SOS2: variants seen among roughly 807,000 people sequenced by gnomAD.
SOS2 encodes SOS Ras/Rho guanine nucleotide exchange factor 2.
In SOS2, 65 loss-of-function variants were observed where a neutral mutation model predicts 148.2. The observed-to-expected ratio is 0.44, with a 90% CI of 0.36 to 0.54. The LOEUF is 0.54. Among genes scored for constraint, SOS2 ranks in the 20% least tolerant of loss-of-function variants. The pLI is 0.00. For missense variants in SOS2, 1,341 were observed against 1,590.2 expected, an observed-to-expected ratio of 0.84 and a Z score of 2.67; for synonymous variants, 539 against 537.1, an observed-to-expected ratio of 1.00 and a Z score of -0.05.
At chr14:50,134,263 G>A (rs754015251) in intron 18 of SOS2, 24 bp from the exon 19 acceptor site, 6 of 1,044,114 alleles carry the variant, frequency 5.7e-6, no homozygotes, top group South Asian at 2.7e-5. Flanking sequence ...AATAACACAA[G>A]TGCATATATA....
intron 1 of SOS2, among the ~76,000 whole-genome samples, chr14:50,207,697 G>C (rs1212173204): frequency 2.0e-5 from 3 of 151,748 alleles, no homozygotes; most frequent in Non-Finnish European, 2.9e-5. Flanking sequence ...TCTGAGGTCG[G>C]GAGTTCGAGA....
chr14:50,202,371 T>C (rs531554193), intron 2 of SOS2, among the ~76,000 whole-genome samples: 14 of 152,332 alleles, frequency 9.2e-5, no homozygotes, highest in African/African-American at 2.4e-4. Context: ...TTTATAGTTA[T>C]AGTCTCAGAT....
chr14:50,173,883 C>T (rs1885445041), intron 8 of SOS2, among the ~76,000 whole-genome samples: 1 of 152,118 alleles, frequency 6.6e-6, no homozygotes, highest in Non-Finnish European at 1.5e-5. Context: ...AGGTTCATGT[C>T]TTATTAGAGG....
At chr14:50,182,008 AC>A (rs1447621734) in intron 6 of SOS2, among the ~76,000 whole-genome samples, 1 of 150,558 alleles carries the variant, frequency 6.6e-6, no homozygotes, top group East Asian at 1.9e-4. Context: ...AAAAAAAAAA[AC>A]CTAAATGTTA....
chr14:50,124,226 A>G (rs1566816829), intron 21 of SOS2, among the ~76,000 whole-genome samples: 1 of 152,150 alleles, frequency 6.6e-6, no homozygotes, highest in Non-Finnish European at 1.5e-5. Flanking sequence ...CAAGTGAGTG[A>G]GAAGAGGTCC....
intron 1 of SOS2, among the ~76,000 whole-genome samples, chr14:50,214,364 T>G (rs995352711): frequency 3.3e-5 from 5 of 152,104 alleles, no homozygotes; most frequent in Non-Finnish European, 7.4e-5. Flanking sequence ...GAAATATGTT[T>G]CTAACATATT....
intron 4 of SOS2, among the ~76,000 whole-genome samples, chr14:50,189,758 T>C (rs929351493): frequency 6.6e-6 from 1 of 152,200 alleles, no homozygotes; most frequent in African/African-American, 2.4e-5. Context: ...ACTTCTTCTT[T>C]CAGAAATGCT....
chr14:50,162,896 G>GTT (rs1566832748), intron 8 of SOS2, among the ~76,000 whole-genome samples: 1 of 139,852 alleles, frequency 7.2e-6, no homozygotes, highest in Non-Finnish European at 1.5e-5. Context: ...CCAATGTTTT[G>GTT]ATTTTTTTTT....
intron 1 of SOS2, among the ~76,000 whole-genome samples, chr14:50,222,023 G>C (rs1887218884): frequency 1.3e-5 from 2 of 151,872 alleles, no homozygotes. Flanking sequence ...AATGAAAAAA[G>C]TTCACAGAGA....
At position 50,201,081 on chromosome 14, in the gene SOS2, G is replaced by C; in HGVS notation, c.217C>G (p.Arg73Gly). The change falls in exon 3 of 23, where the codon CGA (arginine) becomes GGA (glycine). Residue 73 changes from arginine (R) to glycine (G), a missense_variant. Transcript: ENST00000216373. The stretch of plus-strand genomic sequence containing the variant: ...GGGTGAGGAAAGGTCTTCTGAACTC[G>C]CTCCTGCTCAATCACAGCAGAACCA... ...QPRTVQDVEE[R>G]VQKTFPHPID... 6.2e-7 allele frequency: 1 copy of C among 1,613,234 alleles called. No individual in the cohort carries two copies. The highest frequency in any genetic ancestry group is 8.5e-7 in the Non-Finnish European group (1 of 1,179,522).
intron 5 of SOS2, among the ~76,000 whole-genome samples, chr14:50,185,420 G>A (rs147957969): frequency 3.3e-5 from 5 of 152,154 alleles, no homozygotes; most frequent in South Asian, 2.1e-4. Context: ...GGTCAGGCGC[G>A]GTGGCTCATG....
At chr14:50,167,804 G>C (rs1476172145) in intron 8 of SOS2, among the ~76,000 whole-genome samples, 1 of 66,050 alleles carries the variant, frequency 1.5e-5, no homozygotes, top group Non-Finnish European at 3.2e-5. Context: ...CAGGAGGTGG[G>C]GGTTGTAGTG....
chr14:50,159,290 A>C, intron 10 of SOS2, 141 bp downstream of exon 10: 1 of 549,360 alleles, frequency 1.8e-6, no homozygotes, highest in East Asian at 2.8e-5. Context: ...TCCTTCTCTT[A>C]TTTATTCCTT....
At chr14:50,155,765 G>C (rs1422565636) in intron 12 of SOS2, 1 of 152,048 alleles carries the variant, frequency 6.6e-6, no homozygotes, top group Non-Finnish European at 1.5e-5. Flanking sequence ...TACATAAAGA[G>C]CTTATATGAC....
chr14:50,217,042 C>G (rs1008844354), intron 1 of SOS2, among the ~76,000 whole-genome samples: 1 of 152,154 alleles, frequency 6.6e-6, no homozygotes, highest in African/African-American at 2.4e-5. Flanking sequence ...CTAACACTAC[C>G]TGATTTCAAG....
At chr14:50,192,498 C>T (rs1342456028) in intron 4 of SOS2, among the ~76,000 whole-genome samples, 1 of 148,918 alleles carries the variant, frequency 6.7e-6, no homozygotes, top group Non-Finnish European at 1.5e-5. Context: ...AGAGGTTGCA[C>T]TGGGCAGAGA....
intron 6 of SOS2, 78 bp downstream of exon 6, chr14:50,182,385 T>C: frequency 3.1e-6 from 4 of 1,300,916 alleles, no homozygotes; most frequent in Non-Finnish European, 4.4e-6. Context: ...TCTCACTATG[T>C]TGCCAAGACT....
At chr14:50,159,107 G>T (rs544519060) in intron 10 of SOS2, among the ~76,000 whole-genome samples, 1 of 151,818 alleles carries the variant, frequency 6.6e-6, no homozygotes, top group South Asian at 2.1e-4. Context: ...GGAGAATGGC[G>T]TGAACCCAGG....
chr14:50,183,723 G>GT (rs966816101), intron 5 of SOS2, among the ~76,000 whole-genome samples: 3 of 152,250 alleles, frequency 2.0e-5, no homozygotes, highest in African/African-American at 7.2e-5. Flanking sequence ...TAGATTAATG[G>GT]TAAGAGCTGG....
Sources: gnomAD v4.1 joint callset for allele counts (sites outside exome capture counted in the v4.1 genomes callset) on GRCh38, gnomAD v4.1.1 for gene constraint, MANE v1.5 for transcripts, NCBI Gene and HGNC (gene_info 2026-07-23, HGNC 2026-07-21) for gene names.